LOXL2: variants seen among roughly 807,000 people sequenced by gnomAD.
LOXL2 encodes lysyl oxidase like 2.
In LOXL2, 70 loss-of-function variants were observed where a neutral mutation model predicts 93.0. The ratio of observed to expected loss-of-function variants is 0.75; its 90% CI spans 0.62 to 0.92. LOXL2 has a LOEUF of 0.92. LOXL2 is among the 40% of genes least tolerant of loss of function. The pLI, the probability that LOXL2 is intolerant of heterozygous loss-of-function variation, is 0.00. For synonymous variants in LOXL2, 438 were observed against 413.2 expected (o/e 1.06, Z -0.73); for missense variants, 973 against 1,054.9 (o/e 0.92, Z 1.08).
At chr8:23,395,218 C>T (rs1800075742) in intron 1 of LOXL2, among the ~76,000 whole-genome samples, 1 of 151,226 alleles carries the variant, frequency 6.6e-6, no homozygotes, top group Non-Finnish European at 1.5e-5. Context: ...GGCGCCACTG[C>T]ACTCCAGCCT....
intron 1 of LOXL2, among the ~76,000 whole-genome samples, chr8:23,371,651 C>A (rs1430785475): frequency 7.1e-6 from 1 of 141,136 alleles, no homozygotes; most frequent in South Asian, 2.4e-4. Flanking sequence ...ACTCGGGAGG[C>A]TGAGGCAGGA....
chr8:23,382,179 T>C (rs981138327), intron 1 of LOXL2, among the ~76,000 whole-genome samples: 3 of 152,152 alleles, frequency 2.0e-5, no homozygotes. Flanking sequence ...GTCCCCTTTT[T>C]CAGTTTTTAT....
chr8:23,336,594 G>A (rs1275202724), intron 4 of LOXL2: 2 of 152,284 alleles, frequency 1.3e-5, no homozygotes, highest in African/African-American at 4.8e-5. Context: ...TCAACCAAGA[G>A]TCCTACCGAC....
chr8:23,357,578 T>TC (rs974030111), intron 3 of LOXL2, among the ~76,000 whole-genome samples: 8 of 152,008 alleles, frequency 5.3e-5, no homozygotes, highest in African/African-American at 1.9e-4. Context: ...ATTTTTTTTT[T>TC]CCTAATGGCA....
At chr8:23,381,656 C>G (rs893119525) in intron 1 of LOXL2, among the ~76,000 whole-genome samples, 1 of 152,174 alleles carries the variant, frequency 6.6e-6, no homozygotes, top group African/African-American at 2.4e-5. Flanking sequence ...ACCCCTTTTT[C>G]TACTGAGCTT....
intron 2 of LOXL2, chr8:23,365,427 A>G (rs1418345391): frequency 6.6e-6 from 1 of 152,162 alleles, no homozygotes; most frequent in East Asian, 1.9e-4. Context: ...AATTCAAATA[A>G]ATTTAGATGT....
intron 1 of LOXL2, among the ~76,000 whole-genome samples, chr8:23,394,184 G>C (rs1302570521): frequency 6.6e-6 from 1 of 152,030 alleles, no homozygotes; most frequent in African/African-American, 2.4e-5. Context: ...CCTGAGGTCA[G>C]GAGTTCAAGA....
rs146193922 is a variant in LOXL2, at chr8:23,299,375, G to C, written c.2134-428C>G. On this transcript the variant is annotated intron_variant, in intron 12 of 13. Coordinates refer to ENST00000389131, the MANE Select transcript of LOXL2 (RefSeq NM_002318.3). ...CCTGGGCGTTGGAGATGGGACACTC[G>C]TCACAGGCGTGTGACTGTGGACATG... 3.3e-5 allele frequency among the ~76,000 whole-genome samples: 5 copies of C among 152,270 alleles called. No individual in the cohort carries two copies. In the South Asian group the frequency reaches 1.0e-3, roughly 32 times the overall value.
intron 1 of LOXL2, among the ~76,000 whole-genome samples, chr8:23,393,385 C>T (rs535460641): frequency 6.6e-6 from 1 of 152,246 alleles, no homozygotes; most frequent in African/African-American, 2.4e-5. Context: ...AACTGAGAGT[C>T]CAGAAATAAA....
At chr8:23,383,780 C>A (rs559213197) in intron 1 of LOXL2, among the ~76,000 whole-genome samples, 1 of 151,168 alleles carries the variant, frequency 6.6e-6, no homozygotes, top group African/African-American at 2.4e-5. Flanking sequence ...CCTGCCTCAG[C>A]CTCCCGAGTA....
At position 23,368,141 on chromosome 8, in the gene LOXL2, G is replaced by T; in HGVS notation, c.211C>A (p.Arg71=). Residue 71 remains arginine, a synonymous_variant, in exon 2 of 14, where the codon CGG becomes AGG. Transcript: ENST00000389131. The stretch of plus-strand genomic sequence containing the variant: ...TGGCCATCATAGTACACCTCCACCC[G>T]GCCCTCGCTGTGCTTCCTCTTCTGC... ...AGQKRKHSEG[R]VEVYYDGQWG... The T allele has an allele frequency of 6.2e-7, 1 of 1,614,098 alleles. No individual in the cohort carries two copies. The highest frequency in any genetic ancestry group is 1.3e-5 in the African/African-American group (1 of 75,072).
chr8:23,357,490 CAGTG>C (rs1804219402), intron 3 of LOXL2, among the ~76,000 whole-genome samples: 1 of 152,188 alleles, frequency 6.6e-6, no homozygotes, highest in Non-Finnish European at 1.5e-5. Flanking sequence ...ATTCCACAAA[CAGTG>C]TGTGTTAATT....
intron 3 of LOXL2, among the ~76,000 whole-genome samples, chr8:23,344,044 G>A (rs1321384876): frequency 2.6e-5 from 4 of 152,230 alleles, no homozygotes; most frequent in African/African-American, 4.8e-5. Flanking sequence ...TGCAGGGAAG[G>A]TGTGACCCCC....
intron 3 of LOXL2, among the ~76,000 whole-genome samples, chr8:23,341,803 G>C (rs1165051795): frequency 5.9e-5 from 9 of 152,222 alleles, no homozygotes; most frequent in Non-Finnish European, 1.0e-4. Flanking sequence ...GCAGGGCTTA[G>C]AGAGAAACGA....
intron 6 of LOXL2, among the ~76,000 whole-genome samples, chr8:23,323,698 T>A (rs1457021688): frequency 6.6e-6 from 1 of 151,500 alleles, no homozygotes; most frequent in African/African-American, 2.4e-5. Context: ...GATCGGGATT[T>A]TTTTTTTGGG....
chr8:23,388,783 C>G (rs983861248), intron 1 of LOXL2, among the ~76,000 whole-genome samples: 16 of 151,890 alleles, frequency 1.1e-4, no homozygotes, highest in African/African-American at 3.9e-4. Context: ...CAAAATTGTG[C>G]CAAGTCTGCA....
intron 1 of LOXL2, among the ~76,000 whole-genome samples, chr8:23,371,536 A>G (rs1804493248): frequency 1.3e-5 from 2 of 151,772 alleles, no homozygotes; most frequent in Non-Finnish European, 2.9e-5. Flanking sequence ...GCGGATCACA[A>G]GGTCAGGAGA....
At chr8:23,359,449 G>A (rs745880189) in intron 3 of LOXL2, among the ~76,000 whole-genome samples, 3 of 152,130 alleles carry the variant, frequency 2.0e-5, no homozygotes, top group Non-Finnish European at 2.9e-5. Context: ...GGCAGCCTAC[G>A]AAGAGGCCAC....
chr8:23,344,809 C>T (rs1004830225), intron 3 of LOXL2, among the ~76,000 whole-genome samples: 6 of 152,168 alleles, frequency 3.9e-5, no homozygotes, highest in African/African-American at 1.2e-4. Context: ...GGACACCATT[C>T]GCACTCATTC....
Sources: allele counts gnomAD v4.1 joint callset (sites outside exome capture counted in the v4.1 genomes callset), GRCh38; gene constraint gnomAD v4.1.1; transcripts MANE v1.5; gene names NCBI Gene and HGNC (gene_info 2026-07-23, HGNC 2026-07-21).